ZMAT2: variants seen among roughly 807,000 people sequenced by gnomAD.
ZMAT2 encodes the protein zinc finger matrin-type protein 2.
ZMAT2 carries 5 observed loss-of-function variants against 27.5 expected under a neutral mutation model. The observed-to-expected ratio is 0.18, with a 90% CI of 0.10 to 0.38. ZMAT2 has a LOEUF of 0.38. ZMAT2 is among the 10% of genes least tolerant of loss of function. ZMAT2 has a pLI of 1.00. For synonymous variants in ZMAT2, 76 were observed against 78.6 expected (o/e 0.97, Z 0.17); for missense variants, 124 against 243.9 (o/e 0.51, Z 3.27).
chr5:140,700,513 G>T, intron 1 of ZMAT2, 35 bp downstream of exon 1: 6 of 1,612,568 alleles, frequency 3.7e-6, no homozygotes, highest in Non-Finnish European at 5.1e-6. Flanking sequence ...GTTTTGCGGG[G>T]TGGGGAATGG....
intron 3 of ZMAT2, among the ~76,000 whole-genome samples, chr5:140,702,398 G>C (rs1759977488): frequency 6.6e-6 from 1 of 152,154 alleles, no homozygotes; most frequent in African/African-American, 2.4e-5. Context: ...CACTTTGGGA[G>C]GCCAAGGCAG....
At position 140,700,472 on chromosome 5, in the gene ZMAT2, C is replaced by A. The variant is rs369583331; in HGVS notation, c.12C>A (p.Gly4=). 1.9e-6 allele frequency: 3 copies of A among 1,612,852 alleles called. No individual in the cohort carries two copies. The highest frequency in any genetic ancestry group is 2.5e-6 in the Non-Finnish European group (3 of 1,179,898). The change falls in exon 1 of 6, where the codon GGC becomes GGA. Residue 4 remains glycine (G), a synonymous_variant. Transcript: ENST00000274712. ...ACTTCGCTGTGAAGATGGCGTCGGG[C>A]AGCGGGGTAGGTGTTGTGTCTGAGG... is the stretch of plus-strand genomic sequence containing the variant. MAS[G]SGTKNLDFRR... is the part of the protein sequence containing the mutation.
chr5:140,701,022 G>A, intron 2 of ZMAT2, 110 bp downstream of exon 2: 1 of 1,045,534 alleles, frequency 9.6e-7, no homozygotes, highest in Admixed American at 2.6e-5. Context: ...AGCTCTGGCA[G>A]AGTGCTGCTT....
chr5:140,704,716 C>T, intron 5 of ZMAT2, 145 bp downstream of exon 5: 2 of 772,754 alleles, frequency 2.6e-6, no homozygotes, highest in Non-Finnish European at 3.7e-6. Flanking sequence ...CATTTGTTGC[C>T]TTTGTTTAGG....
At chr5:140,700,713 T>C (rs801168) in intron 1 of ZMAT2, 106 bp from the exon 2 acceptor site, 603,139 of 1,373,758 alleles carry the variant, frequency 0.44, 133,840 homozygotes, top group East Asian at 0.47. Flanking sequence ...AAAGAGGCTT[T>C]GCTTTCAAAA....
chr5:140,704,346 C>A, intron 4 of ZMAT2, 80 bp from the exon 5 acceptor site: 1 of 1,514,768 alleles, frequency 6.6e-7, no homozygotes, highest in Non-Finnish European at 8.9e-7. Flanking sequence ...TATGAGATGT[C>A]AGAGAAGTCA....
At chr5:140,704,076 C>A in intron 4 of ZMAT2, 85 bp downstream of exon 4, 1 of 1,266,446 alleles carries the variant, frequency 7.9e-7, no homozygotes, top group Non-Finnish European at 1.1e-6. Flanking sequence ...TTTTTTTCTT[C>A]TTTTTACTCA....
rs1239042347 is a variant in ZMAT2 at position 140,705,966 on chromosome 5, C to CAG, written c.*211_*212dup. ...ATGCTGTGGCATATTGCTTCTGCCT[C>CAG]AGTGTATCACTGGAGTCACAGGACC... On this transcript the variant is annotated 3_prime_UTR_variant, in exon 6 of 6. Transcript: ENST00000274712. 1.8e-6 allele frequency: 1 copy of CAG among 552,310 alleles called. No individual in the cohort carries two copies. Among genetic ancestry groups the CAG allele is most frequent in the Non-Finnish European group, 3.0e-6 (1 of 338,710 alleles). 34.2% of individuals were successfully genotyped at this position (552,310 alleles called of 1,614,324 possible).
intron 3 of ZMAT2, 126 bp downstream of exon 3, chr5:140,702,255 T>C (rs373001448): frequency 8.0e-7 from 1 of 1,246,582 alleles, no homozygotes; most frequent in East Asian, 2.5e-5. Flanking sequence ...TGTAATTCTA[T>C]CTTTATATTT....
At chr5:140,703,872 G>A in intron 3 of ZMAT2, 46 bp from the exon 4 acceptor site, 1 of 1,567,818 alleles carries the variant, frequency 6.4e-7, no homozygotes. Context: ...AAAATGATAA[G>A]ATCCTTAAAA....
intron 1 of ZMAT2, 73 bp downstream of exon 1, chr5:140,700,551 C>T: frequency 1.2e-6 from 2 of 1,605,064 alleles, no homozygotes; most frequent in Non-Finnish European, 1.7e-6. Flanking sequence ...GAGACAAACT[C>T]CTGCACCCGA....
chr5:140,705,561 A>G, intron 5 of ZMAT2, 52 bp from the exon 6 acceptor site: 1 of 1,550,130 alleles, frequency 6.5e-7, no homozygotes, highest in Non-Finnish European at 8.7e-7. Flanking sequence ...GTTGTTACAA[A>G]CAACATTTGG....
Position 140,705,823 on chromosome 5 carries a change from A to G in ZMAT2, c.*67A>G, listed in dbSNP as rs140468085. 557 of 1,555,992 alleles carry G rather than the reference A, an allele frequency of 3.6e-4. 3 individuals are homozygous for G. The African/African-American group carries it at 6.4e-3, about 18-fold the overall frequency. On this transcript the variant is annotated 3_prime_UTR_variant, in exon 6 of 6. Coordinates refer to ENST00000274712, the MANE Select transcript of ZMAT2 (RefSeq NM_144723.3). The stretch of plus-strand genomic sequence containing the variant: ...AACTTTGCGTGTGTGTGTGTGTAGT[A>G]GGGGGTCATTTCTTTTTGGGTAATG...
At chr5:140,705,449 A>G (rs528562950) in intron 5 of ZMAT2, among the ~76,000 whole-genome samples, 164 bp from the exon 6 acceptor site, 3 of 152,312 alleles carry the variant, frequency 2.0e-5, no homozygotes, top group Non-Finnish European at 4.4e-5. Flanking sequence ...GGCAAGTTAT[A>G]TAACCTCTTT....
intron 1 of ZMAT2, 145 bp downstream of exon 1, chr5:140,700,623 G>C (rs1759941984): frequency 2.0e-6 from 3 of 1,489,236 alleles, no homozygotes; most frequent in Non-Finnish European, 1.8e-6. Context: ...CCAGTAATAG[G>C]CCTTGGCAGA....
intron 3 of ZMAT2, among the ~76,000 whole-genome samples, chr5:140,702,862 G>C (rs1233312827): frequency 6.6e-6 from 1 of 152,166 alleles, no homozygotes; most frequent in Non-Finnish European, 1.5e-5. Flanking sequence ...GTCCAGTTAG[G>C]TTTTCTGGCA....
chr5:140,703,498 T>G (rs1325848403), intron 3 of ZMAT2, among the ~76,000 whole-genome samples: 1 of 152,146 alleles, frequency 6.6e-6, no homozygotes, highest in Non-Finnish European at 1.5e-5. Context: ...CCTCCCAAAG[T>G]GCTGGGATTA....
intron 1 of ZMAT2, 78 bp from the exon 2 acceptor site, chr5:140,700,741 G>A: frequency 6.6e-7 from 1 of 1,513,010 alleles, no homozygotes; most frequent in East Asian, 2.3e-5. Context: ...TAGACACCTG[G>A]ACCGCGAGGG....
chr5:140,700,938 A>G (rs1759948905), intron 2 of ZMAT2, 26 bp downstream of exon 2: 1 of 1,609,976 alleles, frequency 6.2e-7, no homozygotes, highest in Non-Finnish European at 8.5e-7. Flanking sequence ...ATCAAGGGCT[A>G]AGGGTATCAC....
Sources: allele counts gnomAD v4.1 joint callset (sites outside exome capture counted in the v4.1 genomes callset), GRCh38; gene constraint gnomAD v4.1.1; transcripts MANE v1.5; gene names NCBI Gene and HGNC (gene_info 2026-07-23, HGNC 2026-07-21).